CRYBG1: variants seen among roughly 807,000 people sequenced by gnomAD.
CRYBG1 encodes beta/gamma crystallin domain-containing protein 1.
In CRYBG1, 139 loss-of-function variants were observed where a neutral mutation model predicts 189.2. The observed-to-expected ratio is 0.73, with a 90% confidence interval of 0.64 to 0.85. The LOEUF (loss-of-function observed/expected upper bound fraction) is 0.85. Among genes scored for constraint, CRYBG1 ranks in the 40% least tolerant of loss-of-function variants. The probability of loss-of-function intolerance (pLI) is 0.00; values close to 1 mark genes in which losing one functional copy is unlikely to be tolerated. For missense variants in CRYBG1, 2,611 were observed against 2,675.8 expected (o/e 0.98, Z 0.53); for synonymous variants, 1,023 against 1,017.1 (o/e 1.01, Z -0.11).
rs779136566 is a variant in CRYBG1, at chr6:106,512,668, C to A, written c.1551C>A (p.Gly517=). 5 of 1,571,928 alleles carry A rather than the reference C, an allele frequency of 3.2e-6. No homozygotes were observed. Among genetic ancestry groups the A allele is most frequent in the Middle Eastern group, 3.4e-4 (2 of 5,902 alleles). ...CTTCGTCCCCCACGAAGAGGAAGGG[C>A]AGGAGCCGTGCCCTCGAGGCCGTGC... The part of the protein sequence containing the change: ...PPASSPTKRK[G]RSRALEAVPA... Residue 517 remains glycine (G), a synonymous_variant, in exon 3 of 22, where the codon GGC becomes GGA. Transcript: ENST00000633556.
At chr6:106,457,853 AC>A (rs1239765517) in intron 2 of CRYBG1, among the ~76,000 whole-genome samples, 2 of 152,204 alleles carry the variant, frequency 1.3e-5, no homozygotes, top group Admixed American at 6.5e-5. Flanking sequence ...GGTCAAATAC[AC>A]TTAGGGGAAA....
Position 106,558,729 on chromosome 6 carries a change from G to A in CRYBG1, c.5855+104G>A, listed in dbSNP as rs1050120221. 28 of 836,294 alleles carry A rather than the reference G, an allele frequency of 3.3e-5. No homozygotes were observed. In the African/African-American group the frequency reaches 3.4e-4, roughly 10 times the overall value. 51.8% of individuals were successfully genotyped at this position (836,294 alleles called of 1,614,324 possible). ...TGTATTCCCAACACTTTAGGAGGCC[G>A]AGGTAGAAGGATCATTTGAATCCAG... On this transcript the variant is annotated intron_variant, in intron 18 of 21. Transcript: ENST00000633556.
chr6:106,537,745 G>A (rs1774038323), intron 8 of CRYBG1, among the ~76,000 whole-genome samples: 1 of 152,090 alleles, frequency 6.6e-6, no homozygotes, highest in Non-Finnish European at 1.5e-5. Context: ...GCGTCCTCAC[G>A]CCCTCTTCCC....
intron 1 of CRYBG1, among the ~76,000 whole-genome samples, chr6:106,374,327 G>C (rs1027242219): frequency 6.6e-6 from 1 of 152,204 alleles, no homozygotes; most frequent in Non-Finnish European, 1.5e-5. Flanking sequence ...GCTAAGGTGG[G>C]AGGATTGCTT....
chr6:106,418,608 G>A (rs4141621), intron 1 of CRYBG1, among the ~76,000 whole-genome samples: 17,208 of 152,176 alleles, frequency 0.11, 1,026 homozygotes, highest in East Asian at 0.15. Flanking sequence ...TTAACTTGCC[G>A]TCATGACAGG....
chr6:106,531,012 G>A (rs535254979), intron 8 of CRYBG1, among the ~76,000 whole-genome samples: 1 of 152,156 alleles, frequency 6.6e-6, no homozygotes, highest in African/African-American at 2.4e-5. Flanking sequence ...TATTAGTTCA[G>A]TGGTAATGTA....
Position 106,461,350 on chromosome 6 carries a change from G to T in CRYBG1, c.312+9518G>T, listed in dbSNP as rs112613514. Among the ~76,000 whole-genome samples the T allele has an allele frequency of 3.7e-4, 56 of 152,266 alleles. 1 individual carries two copies. The highest frequency in any genetic ancestry group is 1.2e-3 in the African/African-American group (51 of 41,556). On this transcript the variant is annotated intron_variant, in intron 2 of 21. Transcript: ENST00000633556. The stretch of plus-strand genomic sequence containing the variant: ...TATATAAGTGGTAATTACTGTTATT[G>T]TTCTCTGACATCCTTACATTTCAAG...
At chr6:106,445,153 C>T (rs573111502) in intron 1 of CRYBG1, among the ~76,000 whole-genome samples, 1 of 152,252 alleles carries the variant, frequency 6.6e-6, no homozygotes, top group East Asian at 1.9e-4. Flanking sequence ...ACAAGAAATA[C>T]TTGGGTTAGT....
intron 1 of CRYBG1, among the ~76,000 whole-genome samples, chr6:106,443,731 T>A (rs1326405423): frequency 6.6e-6 from 1 of 152,202 alleles, no homozygotes; most frequent in Non-Finnish European, 1.5e-5. Flanking sequence ...TTTTAGTTTT[T>A]GTGGGTACAT....
intron 6 of CRYBG1, 77 bp from the exon 7 acceptor site, chr6:106,527,228 A>G: frequency 7.8e-7 from 1 of 1,284,206 alleles, no homozygotes; most frequent in South Asian, 1.6e-5. Flanking sequence ...ATAAAATGGC[A>G]ATTAGCCAGG....
chr6:106,361,995 G>A (rs1771883188), intron 1 of CRYBG1, among the ~76,000 whole-genome samples: 2 of 19,436 alleles, frequency 1.0e-4, no homozygotes, highest in Admixed American at 9.9e-4. Flanking sequence ...TTCTGAGACG[G>A]AGTCTTGCTC....
At chr6:106,522,641 C>G (rs1773636135) in intron 4 of CRYBG1, among the ~76,000 whole-genome samples, 2 of 152,294 alleles carry the variant, frequency 1.3e-5, no homozygotes, top group East Asian at 1.9e-4. Context: ...GGTTTGTATT[C>G]TGGTGGTCCA....
At chr6:106,563,192 T>C (rs1209634377) in intron 20 of CRYBG1, among the ~76,000 whole-genome samples, 1 of 152,202 alleles carries the variant, frequency 6.6e-6, no homozygotes, top group Non-Finnish European at 1.5e-5. Context: ...AATCTTTGCA[T>C]TAAAACACCC....
At chr6:106,555,114 G>A (rs748790033) in intron 16 of CRYBG1, among the ~76,000 whole-genome samples, 5 of 150,872 alleles carry the variant, frequency 3.3e-5, no homozygotes, top group African/African-American at 7.3e-5. Flanking sequence ...GCAGTGAGCC[G>A]AGATCATGCC....
chr6:106,433,705 C>T (rs1207889830), intron 1 of CRYBG1, among the ~76,000 whole-genome samples: 1 of 114,582 alleles, frequency 8.7e-6, no homozygotes, highest in Non-Finnish European at 1.6e-5. Flanking sequence ...CTTTTAATTG[C>T]TAGAAACTGG....
At chr6:106,375,779 A>G (rs1189111378) in intron 1 of CRYBG1, among the ~76,000 whole-genome samples, 3 of 152,304 alleles carry the variant, frequency 2.0e-5, no homozygotes, top group African/African-American at 7.2e-5. Flanking sequence ...CATATTGAGT[A>G]GTTCCCCTTC....
At chr6:106,476,247 G>A (rs1772332502) in intron 2 of CRYBG1, among the ~76,000 whole-genome samples, 1 of 152,168 alleles carries the variant, frequency 6.6e-6, no homozygotes, top group Non-Finnish European at 1.5e-5. Flanking sequence ...ATATGAAGAT[G>A]TCACACGGGT....
intron 2 of CRYBG1, among the ~76,000 whole-genome samples, chr6:106,475,414 A>C (rs1319765940): frequency 6.6e-6 from 1 of 152,238 alleles, no homozygotes; most frequent in Non-Finnish European, 1.5e-5. Context: ...GAAGGATTTC[A>C]GTAAGCTTAG....
rs767784436 is a variant in CRYBG1 at position 106,520,866 on chromosome 6, A to G, written c.3658A>G (p.Asn1220Asp). The G allele has an allele frequency of 5.0e-6, 8 of 1,614,100 alleles. No homozygotes were observed. In the Admixed American group the frequency reaches 1.3e-4, roughly 27 times the overall value. Residue 1220 changes from asparagine (N) to aspartate (D), a missense_variant, in exon 4 of 22, where the codon AAT (asparagine) becomes GAT (aspartate). This residue lies in a region of CRYBG1 where 1,622 missense variants were observed against 1,735.0 expected (regional missense o/e 0.93). Coordinates refer to ENST00000633556, the MANE Select transcript of CRYBG1 (RefSeq NM_001371242.2). ...TGAGCCTCTGGTGATGCCGGAAATC[A>G]ATGACAAAGAGAACAGGGACGTCAC... ...NSEPLVMPEI[N>D]DKENRDVTNG...
Sources: allele counts gnomAD v4.1 joint callset (sites outside exome capture counted in the v4.1 genomes callset), GRCh38; gene constraint gnomAD v4.1.1; regional missense constraint gnomAD v4.1.1; transcripts MANE v1.5; gene names NCBI Gene and HGNC (gene_info 2026-07-23, HGNC 2026-07-21).